Variants in CEMIP observed in about 807,000 individuals in gnomAD.
CEMIP encodes the protein cell migration-inducing and hyaluronan-binding protein.
Under a neutral mutation model 156.9 loss-of-function variants are expected in CEMIP, and 105 were observed. The observed-to-expected ratio is 0.67, with a 90% CI of 0.57 to 0.79. The LOEUF is 0.79. Ranked by LOEUF, CEMIP falls within the 30% of genes least tolerant of loss-of-function variation. The pLI is 0.00. For missense variants in CEMIP, 1,457 were observed against 1,769.4 expected, an observed-to-expected ratio of 0.82 and a Z score of 3.17; for synonymous variants, 676 against 668.4, an observed-to-expected ratio of 1.01 and a Z score of -0.17.
At chr15:80,788,326 C>A (rs1385338512) in intron 1 of CEMIP, among the ~76,000 whole-genome samples, 1 of 151,674 alleles carries the variant, frequency 6.6e-6, no homozygotes, top group Non-Finnish European at 1.5e-5. Context: ...CAAAAATTAG[C>A]CAGGCATGGT....
At chr15:80,813,748 GGACA>G (rs1482118878) in intron 1 of CEMIP, among the ~76,000 whole-genome samples, 1 of 152,108 alleles carries the variant, frequency 6.6e-6, no homozygotes, top group African/African-American at 2.4e-5. Context: ...ATTTGAATTC[GGACA>G]GATGATTTCA....
Position 80,949,239 on chromosome 15 carries a change from G to T in CEMIP, c.*315G>T. 2.4e-6 allele frequency: 1 copy of T among 417,372 alleles called. No individual in the cohort carries two copies. Among genetic ancestry groups the T allele is most frequent in the South Asian group, 2.1e-5 (1 of 47,618 alleles). The allele number at this position is 417,372 out of a possible 1,614,324, so 25.9% of individuals were successfully genotyped here. On this transcript the variant is annotated 3_prime_UTR_variant, in exon 30 of 30. Coordinates refer to ENST00000394685, the MANE Select transcript of CEMIP (RefSeq NM_001293298.2). ...TTTGGGGACCATATCAGGAGACCTG[G>T]GTTGTGCTGACAGCAAAGATCCACT... is the stretch of plus-strand genomic sequence containing the variant.
intron 1 of CEMIP, among the ~76,000 whole-genome samples, chr15:80,825,341 A>T (rs775716357): frequency 2.0e-5 from 3 of 152,268 alleles, no homozygotes; most frequent in Non-Finnish European, 4.4e-5. Flanking sequence ...ACTGAGGCTC[A>T]GCAAGGTTAA....
chr15:80,895,730 G>A, intron 11 of CEMIP, 139 bp from the exon 12 acceptor site: 1 of 767,768 alleles, frequency 1.3e-6, no homozygotes. Flanking sequence ...AGAGTGGGAT[G>A]GAGCAAGCCA....
chr15:80,930,371 GCT>G (rs1900863392), intron 21 of CEMIP, among the ~76,000 whole-genome samples: 1 of 152,202 alleles, frequency 6.6e-6, no homozygotes, highest in Admixed American at 6.5e-5. Context: ...GGGCCAGAAT[GCT>G]CTGATGACTT....
At chr15:80,935,400 G>GA (rs113891205) in intron 23 of CEMIP, among the ~76,000 whole-genome samples, 2,826 of 151,834 alleles carry the variant, frequency 0.019, 90 homozygotes, top group African/African-American at 0.065. Context: ...TATCTTCTGT[G>GA]AAAAAAAAGC....
chr15:80,951,465 G>A lies in CEMIP; in HGVS notation c.*2541G>A, dbSNP rs1159723860. 6.6e-6 allele frequency: 1 copy of A among 152,580 alleles called. No homozygotes were observed. Among genetic ancestry groups the A allele is most frequent in the South Asian group, 2.1e-4 (1 of 4,830 alleles). The allele number at this position is 152,580 out of a possible 1,614,324, so 9.5% of individuals were successfully genotyped here. ...GAGTTAGGTCTTTAAGGAAAGCAAC[G>A]CTCCTCTGAAATGCTTGTCTTTTTT... On this transcript the variant is annotated 3_prime_UTR_variant, in exon 30 of 30. Coordinates refer to ENST00000394685, the MANE Select transcript of CEMIP (RefSeq NM_001293298.2).
intron 29 of CEMIP, chr15:80,948,192 T>C (rs1001228156): frequency 6.3e-6 from 1 of 159,518 alleles, no homozygotes; most frequent in African/African-American, 2.4e-5. Flanking sequence ...CCTGCCAAGA[T>C]GGGCTGAGTA....
At chr15:80,919,584 C>A (rs536766542) in intron 14 of CEMIP, among the ~76,000 whole-genome samples, 2 of 152,246 alleles carry the variant, frequency 1.3e-5, no homozygotes, top group South Asian at 2.1e-4. Flanking sequence ...GAGCCCAAGG[C>A]GGGCGGATCA....
intron 7 of CEMIP, among the ~76,000 whole-genome samples, chr15:80,885,640 C>A (rs981284973): frequency 6.6e-6 from 1 of 152,184 alleles, no homozygotes; most frequent in Non-Finnish European, 1.5e-5. Flanking sequence ...CTGGGTTGCA[C>A]CTTCCAGGAG....
chr15:80,802,009 G>A (rs531877784), intron 1 of CEMIP, among the ~76,000 whole-genome samples: 17 of 152,346 alleles, frequency 1.1e-4, no homozygotes, highest in African/African-American at 4.1e-4. Context: ...TTGAGCATCT[G>A]GAGAGTGTGG....
chr15:80,931,522 A>G (rs1197401721), intron 21 of CEMIP, among the ~76,000 whole-genome samples: 1 of 152,198 alleles, frequency 6.6e-6, no homozygotes, highest in Admixed American at 6.5e-5. Flanking sequence ...AAATGTTGAA[A>G]TACAGGACCA....
At chr15:80,893,990 T>C (rs115651297) in intron 10 of CEMIP, among the ~76,000 whole-genome samples, 3,237 of 152,260 alleles carry the variant, frequency 0.021, 128 homozygotes, top group African/African-American at 0.074. Flanking sequence ...ACACCCTGGC[T>C]CTGGGATGGG....
rs1507660 is a variant in CEMIP, at chr15:80,916,987, A to G, written c.1798-3107A>G. 4.6e-3 allele frequency among the ~76,000 whole-genome samples: 703 copies of G among 152,324 alleles called. 12 individuals are homozygous for G. Among genetic ancestry groups the G allele is most frequent in the East Asian group, 0.039 (204 of 5,180 alleles). On this transcript the variant is annotated intron_variant, in intron 14 of 29. Coordinates refer to ENST00000394685, the MANE Select transcript of CEMIP (RefSeq NM_001293298.2). ...CAGACAGATGGGGAATCAAGTCCCAATTCGGTCCATGCAAAAGAAGTGACT... is the reference window on the plus strand; with the variant it reads ...CAGACAGATGGGGAATCAAGTCCCAGTTCGGTCCATGCAAAAGAAGTGACT...
chr15:80,793,119 C>T (rs750716174), intron 1 of CEMIP, among the ~76,000 whole-genome samples: 1 of 152,106 alleles, frequency 6.6e-6, no homozygotes, highest in Non-Finnish European at 1.5e-5. Context: ...AGAGGGTAAG[C>T]GTTGGAGCTG....
chr15:80,843,580 G>A (rs2141714709), intron 1 of CEMIP, among the ~76,000 whole-genome samples: 1 of 152,318 alleles, frequency 6.6e-6, no homozygotes, highest in Admixed American at 6.5e-5. Flanking sequence ...ATATCCCCAT[G>A]CTAACCATTT....
intron 1 of CEMIP, among the ~76,000 whole-genome samples, chr15:80,788,428 G>A (rs1332472523): frequency 2.1e-5 from 3 of 144,798 alleles, no homozygotes; most frequent in Non-Finnish European, 4.5e-5. Flanking sequence ...CTGAGATTGC[G>A]CCACTGCACT....
At position 80,922,144 on chromosome 15, in the gene CEMIP, C is replaced by G; in HGVS notation, c.2202+7C>G. 6.2e-7 allele frequency: 1 copy of G among 1,614,118 alleles called. No homozygotes were observed. Among genetic ancestry groups the G allele is most frequent in the African/African-American group, 1.3e-5 (1 of 75,082 alleles). On this transcript the variant is annotated splice_region_variant and intron_variant, in intron 17 of 29. Transcript: ENST00000394685. ...AGCACATTCCAACTACCGGGTAAGT[C>G]TTTCCAGGCTGCGCCTCTCTGGCCA...
chr15:80,883,281 A>C (rs1898724606), intron 6 of CEMIP, among the ~76,000 whole-genome samples: 1 of 152,126 alleles, frequency 6.6e-6, no homozygotes, highest in African/African-American at 2.4e-5. Flanking sequence ...TATTCTCACC[A>C]GGGGTATAGA....
Sources: allele counts gnomAD v4.1 joint callset (sites outside exome capture counted in the v4.1 genomes callset), GRCh38; gene constraint gnomAD v4.1.1; transcripts MANE v1.5; gene names NCBI Gene and HGNC (gene_info 2026-07-23, HGNC 2026-07-21).